Variants in ECPAS observed in about 807,000 individuals in gnomAD.
ECPAS encodes Ecm29 proteasome adaptor and scaffold.
In ECPAS, 70 loss-of-function variants were observed where a neutral mutation model predicts 255.1. The ratio of observed to expected loss-of-function variants is 0.27; its 90% CI spans 0.23 to 0.33. ECPAS has a LOEUF of 0.33. Ranked by LOEUF, ECPAS falls within the 10% of genes least tolerant of loss-of-function variation. The probability of loss-of-function intolerance (pLI) is 1.00; values close to 1 mark genes in which losing one functional copy is unlikely to be tolerated. For missense variants in ECPAS, 1,817 were observed against 2,206.4 expected, an observed-to-expected ratio of 0.82 and a Z score of 3.54; for synonymous variants, 784 against 775.0, an observed-to-expected ratio of 1.01 and a Z score of -0.19.
chr9:111,439,953 A>G (rs2098243538), intron 6 of ECPAS, among the ~76,000 whole-genome samples: 1 of 152,170 alleles, frequency 6.6e-6, no homozygotes. Flanking sequence ...AAAGAAGAGA[A>G]AAGCTGGAGA....
chr9:111,463,895 G>T (rs1290196376), intron 2 of ECPAS, among the ~76,000 whole-genome samples: 1 of 152,136 alleles, frequency 6.6e-6, no homozygotes, highest in Non-Finnish European at 1.5e-5. Flanking sequence ...CTCTAGCAAA[G>T]TTGAAGAGGA....
chr9:111,427,921 T>C, intron 10 of ECPAS, 121 bp downstream of exon 10: 3 of 723,036 alleles, frequency 4.1e-6, no homozygotes, highest in Non-Finnish European at 6.1e-6. Flanking sequence ...AAAAAGAATC[T>C]CATTAATCTT....
chr9:111,483,657 C>A, intron 1 of ECPAS: 1 of 191,528 alleles, frequency 5.2e-6, no homozygotes, highest in Non-Finnish European at 9.4e-6. Flanking sequence ...CGGCGCGGAC[C>A]GCGCTGTGCC....
At chr9:111,448,799 G>C (rs1252479223) in intron 3 of ECPAS, among the ~76,000 whole-genome samples, 2 of 152,078 alleles carry the variant, frequency 1.3e-5, no homozygotes, top group African/African-American at 4.8e-5. Flanking sequence ...CAAATATTTT[G>C]AAACTAAAAA....
At chr9:111,419,541 A>G (rs993239329) in intron 16 of ECPAS, among the ~76,000 whole-genome samples, 6 of 152,038 alleles carry the variant, frequency 3.9e-5, no homozygotes, top group African/African-American at 1.4e-4. Context: ...ATGCAGTAGT[A>G]TAATTCATTA....
intron 17 of ECPAS, among the ~76,000 whole-genome samples, 183 bp from the exon 18 acceptor site, chr9:111,416,535 C>A (rs999965708): frequency 6.6e-6 from 1 of 152,174 alleles, no homozygotes; most frequent in African/African-American, 2.4e-5. Flanking sequence ...CACTAAAAGA[C>A]AAGTGTATTG....
rs189656418 is a variant in ECPAS at position 111,366,697 on chromosome 9, G to A, written c.5114-70C>T. The A allele has an allele frequency of 5.2e-5, 50 of 962,014 alleles. No homozygotes were observed. The African/African-American group carries it at 6.3e-4, about 12-fold the overall frequency. 59.6% of individuals were successfully genotyped at this position (962,014 alleles called of 1,614,324 possible). On this transcript the variant is annotated intron_variant, in intron 46 of 49. Transcript: ENST00000684092. ...AAGAACAAGAGATGGAATAAATGAG[G>A]GACAGGCAGAGAGAGCAAGAGAAAG...
In ECPAS at chr9:111,425,371, C is replaced by T. The variant is rs77953365; in HGVS notation, c.1215+47G>A. 295 of 1,226,272 alleles carry T rather than the reference C, an allele frequency of 2.4e-4. 3 individuals are homozygous for T. The African/African-American group carries it at 4.0e-3, about 17-fold the overall frequency. 76.0% of individuals were successfully genotyped at this position (1,226,272 alleles called of 1,614,324 possible). On this transcript the variant is annotated intron_variant, in intron 12 of 49. Transcript: ENST00000684092. ...CAGACCAGAAATATTATAGAAAATA[C>T]TTTAAGATATAAAATGTTGATAAAA...
At chr9:111,457,246 G>A (rs1393946602) in intron 2 of ECPAS, among the ~76,000 whole-genome samples, 1 of 152,134 alleles carries the variant, frequency 6.6e-6, no homozygotes, top group Non-Finnish European at 1.5e-5. Context: ...GAGGAATACA[G>A]TAAATGACAA....
chr9:111,430,041 C>G (rs2098227529), intron 9 of ECPAS, among the ~76,000 whole-genome samples: 1 of 152,240 alleles, frequency 6.6e-6, no homozygotes. Flanking sequence ...CAGTCCGAAT[C>G]TGGCCCACCA....
intron 10 of ECPAS, among the ~76,000 whole-genome samples, chr9:111,426,368 T>TAAA (rs774666781): frequency 4.3e-5 from 5 of 115,850 alleles, no homozygotes; most frequent in Non-Finnish European, 3.6e-5. Flanking sequence ...TTACTTACAC[T>TAAA]AAAAAAAAAA....
At chr9:111,371,364 G>GT (rs1245403785) in intron 43 of ECPAS, among the ~76,000 whole-genome samples, 1 of 152,116 alleles carries the variant, frequency 6.6e-6, no homozygotes, top group African/African-American at 2.4e-5. Flanking sequence ...GGTTTAAGAC[G>GT]TAACTTGGAA....
intron 2 of ECPAS, among the ~76,000 whole-genome samples, chr9:111,455,030 C>T (rs961568988): frequency 3.9e-5 from 6 of 152,132 alleles, no homozygotes; most frequent in South Asian, 2.1e-4. Flanking sequence ...CCACTGCACC[C>T]GGCCTAAGTC....
chr9:111,376,683 GTCTAAC>G, intron 36 of ECPAS, 142 bp from the exon 37 acceptor site: 1 of 653,024 alleles, frequency 1.5e-6, no homozygotes, highest in Non-Finnish European at 2.7e-6. Context: ...CAAACATCAA[GTCTAAC>G]TCTAATTTCT....
chr9:111,428,863 T>TAA (rs758098408), intron 9 of ECPAS, among the ~76,000 whole-genome samples: 90 of 152,370 alleles, frequency 5.9e-4, no homozygotes, highest in Admixed American at 1.2e-3. Context: ...CCCTTGTCCT[T>TAA]ATATGCTTTT....
At chr9:111,429,643 TTACC>T (rs2098226948) in intron 9 of ECPAS, among the ~76,000 whole-genome samples, 1 of 152,190 alleles carries the variant, frequency 6.6e-6, no homozygotes. Context: ...TATTTCTGCT[TTACC>T]ACACTCAATC....
At chr9:111,362,413 C>G (rs12342050) in intron 49 of ECPAS, among the ~76,000 whole-genome samples, 43,549 of 151,846 alleles carry the variant, frequency 0.29, 7,738 homozygotes, top group Non-Finnish European at 0.41. Context: ...TCCTCTCCTT[C>G]CCCCAGTATC....
chr9:111,371,399 T>A (rs184640840), intron 43 of ECPAS, among the ~76,000 whole-genome samples: 1 of 152,238 alleles, frequency 6.6e-6, no homozygotes, highest in African/African-American at 2.4e-5. Context: ...AATGTATCTA[T>A]CTCCAGCATT....
chr9:111,418,773 G>A (rs899060161), intron 16 of ECPAS, among the ~76,000 whole-genome samples: 5 of 152,164 alleles, frequency 3.3e-5, no homozygotes, highest in Admixed American at 2.0e-4. Flanking sequence ...CTATTTGGAA[G>A]TCCAACTCCC....
Sources: gnomAD v4.1 joint callset for allele counts (sites outside exome capture counted in the v4.1 genomes callset) on GRCh38, gnomAD v4.1.1 for gene constraint, MANE v1.5 for transcripts, NCBI Gene and HGNC (gene_info 2026-07-23, HGNC 2026-07-21) for gene names.